Variants in ROR1 observed in about 807,000 individuals in gnomAD.
The protein encoded by ROR1 is ROR family WNT receptor 1.
ROR1 carries 19 observed loss-of-function variants against 78.8 expected under a neutral mutation model. That is an observed-to-expected ratio of 0.24 (90% CI 0.17 to 0.35). The LOEUF (loss-of-function observed/expected upper bound fraction) is 0.35. Among genes scored for constraint, ROR1 ranks in the 10% least tolerant of loss-of-function variants. The pLI is 1.00. For synonymous variants in ROR1, 386 were observed against 433.6 expected, an observed-to-expected ratio of 0.89 and a Z score of 1.36; for missense variants, 917 against 1,177.8, an observed-to-expected ratio of 0.78 and a Z score of 3.24.
intron 2 of ROR1, among the ~76,000 whole-genome samples, chr1:64,032,244 G>A (rs1033309944): frequency 6.6e-6 from 1 of 150,446 alleles, no homozygotes; most frequent in Non-Finnish European, 1.5e-5. Context: ...AGGAGGCTGA[G>A]GCAGGAGAAT....
chr1:63,895,359 T>C (rs117333540), intron 1 of ROR1, among the ~76,000 whole-genome samples: 1 of 152,320 alleles, frequency 6.6e-6, no homozygotes, highest in African/African-American at 2.4e-5. Context: ...TTGGCTACAC[T>C]GCTGGGCTTG....
intron 1 of ROR1, among the ~76,000 whole-genome samples, chr1:63,780,290 G>A (rs868711697): frequency 5.9e-5 from 9 of 151,988 alleles, no homozygotes; most frequent in African/African-American, 1.7e-4. Flanking sequence ...AAGAGGTGGC[G>A]TGGAGTAATG....
At chr1:63,796,702 A>G (rs563658623) in intron 1 of ROR1, among the ~76,000 whole-genome samples, 21 of 152,332 alleles carry the variant, frequency 1.4e-4, no homozygotes, top group African/African-American at 5.1e-4. Context: ...CTAGATATAC[A>G]TATTTCTTCC....
At chr1:64,154,300 TA>T (rs1408382490) in intron 7 of ROR1, among the ~76,000 whole-genome samples, 1 of 152,242 alleles carries the variant, frequency 6.6e-6, no homozygotes, top group Non-Finnish European at 1.5e-5. Context: ...TGCAGGCCCC[TA>T]TGTGCTACCA....
intron 1 of ROR1, chr1:63,843,649 T>C (rs1645063220): frequency 1.7e-6 from 1 of 598,226 alleles, no homozygotes. Flanking sequence ...TCGTTGAACA[T>C]GTTCATGACA....
intron 1 of ROR1, among the ~76,000 whole-genome samples, chr1:63,887,661 C>A (rs1368126972): frequency 1.3e-5 from 2 of 152,084 alleles, no homozygotes; most frequent in South Asian, 2.1e-4. Context: ...TTCACTGCAA[C>A]CTGTGTAAAT....
chr1:64,042,801 T>C (rs1646754905), intron 2 of ROR1, among the ~76,000 whole-genome samples: 1 of 152,212 alleles, frequency 6.6e-6, no homozygotes. Flanking sequence ...TTTCCCGAGA[T>C]AGTGAGTCAG....
intron 2 of ROR1, among the ~76,000 whole-genome samples, chr1:64,029,530 T>C (rs1309143465): frequency 1.3e-5 from 2 of 152,180 alleles, no homozygotes; most frequent in African/African-American, 4.8e-5. Context: ...GTATTACAGT[T>C]CTGGAGGCTG....
intron 2 of ROR1, among the ~76,000 whole-genome samples, chr1:64,011,798 A>G (rs570406786): frequency 5.9e-5 from 9 of 152,166 alleles, no homozygotes; most frequent in Non-Finnish European, 1.2e-4. Context: ...GAGGAAGATC[A>G]TTTGTTGATC....
chr1:64,143,690 G>A (rs866065396), intron 7 of ROR1, among the ~76,000 whole-genome samples: 2 of 152,156 alleles, frequency 1.3e-5, no homozygotes, highest in African/African-American at 4.8e-5. Context: ...GGAGACGCCA[G>A]GGACCCTAAG....
At chr1:64,073,997 C>T (rs1005759763) in intron 4 of ROR1, among the ~76,000 whole-genome samples, 1 of 152,216 alleles carries the variant, frequency 6.6e-6, no homozygotes, top group Non-Finnish European at 1.5e-5. Flanking sequence ...GGTGCCTGAC[C>T]AGTGAAGGAC....
At chr1:64,093,864 C>T (rs1023194683) in intron 4 of ROR1, among the ~76,000 whole-genome samples, 1 of 152,136 alleles carries the variant, frequency 6.6e-6, no homozygotes, top group Non-Finnish European at 1.5e-5. Context: ...AAATTATGTA[C>T]CAGTGTGCTC....
rs140848440 is a variant in ROR1, at chr1:64,059,582, G to A, written c.482+8866G>A. Among the ~76,000 whole-genome samples, 759 of 151,894 alleles carry A rather than the reference G, an allele frequency of 5.0e-3. 10 individuals are homozygous for A. The highest frequency in any genetic ancestry group is 0.017 in the African/African-American group (721 of 41,392). The stretch of plus-strand genomic sequence containing the variant: ...AAATTAGCCAGGCATGGTGGCATGC[G>A]CCTGTAATCCCAGCTACTCAGGAGG... On this transcript the variant is annotated intron_variant, in intron 4 of 8. Transcript: ENST00000371079.
intron 1 of ROR1, among the ~76,000 whole-genome samples, chr1:63,980,732 G>C (rs559150536): frequency 6.6e-6 from 1 of 152,356 alleles, no homozygotes; most frequent in Admixed American, 6.5e-5. Flanking sequence ...AGCCACAGGG[G>C]ATGGAAGATG....
At chr1:64,122,582 T>G (rs1330308092) in intron 4 of ROR1, among the ~76,000 whole-genome samples, 1 of 152,184 alleles carries the variant, frequency 6.6e-6, no homozygotes, top group Admixed American at 6.5e-5. Flanking sequence ...AGGAGTGGGC[T>G]GTCAGTAGGC....
chr1:63,875,936 T>C (rs940778783), intron 1 of ROR1, among the ~76,000 whole-genome samples: 13 of 152,260 alleles, frequency 8.5e-5, no homozygotes, highest in African/African-American at 3.1e-4. Flanking sequence ...GGGATTTATT[T>C]TTGTGTCCTT....
chr1:64,117,321 G>C (rs968689675), intron 4 of ROR1, among the ~76,000 whole-genome samples: 1 of 152,074 alleles, frequency 6.6e-6, no homozygotes, highest in Non-Finnish European at 1.5e-5. Flanking sequence ...TGATTTTGAG[G>C]ATCAAATAGA....
At chr1:64,149,354 CTGATTATTT>C in intron 7 of ROR1, among the ~76,000 whole-genome samples, 1 of 152,118 alleles carries the variant, frequency 6.6e-6, no homozygotes, top group Non-Finnish European at 1.5e-5. Context: ...CAATAGAGTC[CTGATTATTT>C]CAGAGGAACA....
intron 4 of ROR1, chr1:64,094,335 C>T (rs560347994): frequency 6.6e-6 from 1 of 152,210 alleles, no homozygotes; most frequent in East Asian, 1.9e-4. Context: ...TAATTCAAGT[C>T]TGGTCTTGAG....
Sources: allele counts gnomAD v4.1 joint callset (sites outside exome capture counted in the v4.1 genomes callset), GRCh38; gene constraint gnomAD v4.1.1; transcripts MANE v1.5; gene names NCBI Gene and HGNC (gene_info 2026-07-23, HGNC 2026-07-21).